The following PPARG variants were observed in gnomAD, a reference collection of about 807,000 sequenced individuals.
PPARG encodes peroxisome proliferator activated receptor gamma, also known as peroxisome proliferator-activated receptor gamma.
A neutral mutation model predicts 39.2 loss-of-function variants in PPARG; 17 were observed. The ratio of observed to expected loss-of-function variants is 0.43; its 90% CI spans 0.30 to 0.65. The LOEUF (loss-of-function observed/expected upper bound fraction) is 0.65. PPARG is among the 30% of genes least tolerant of loss of function. The pLI, the probability that PPARG is intolerant of heterozygous loss-of-function variation, is 0.13. For synonymous variants in PPARG, 223 were observed against 215.7 expected (o/e 1.03, Z -0.30); for missense variants, 406 against 585.9 (o/e 0.69, Z 3.17).
Position 12,428,403 on chromosome 3 carries a change from A to T in PPARG, c.1181-5495A>T, listed in dbSNP as rs1430322423. ...GGAGTCTGAGTCACACACACTTCCC[A>T]AAAGGGCCTTCTAAGCAGCCTACCC... On this transcript the variant is annotated intron_variant, in intron 7 of 7. Coordinates refer to ENST00000651735, the MANE Select transcript of PPARG (RefSeq NM_138711.6). Among the ~76,000 whole-genome samples, 2 of 152,228 alleles carry T rather than the reference A, an allele frequency of 1.3e-5. 1 individual carries two copies. Among genetic ancestry groups the T allele is most frequent in the Admixed American group, 1.3e-4 (2 of 15,286 alleles).
chr3:12,302,235 AAAAAC>A (rs1317940889), intron 1 of PPARG, among the ~76,000 whole-genome samples: 1 of 152,208 alleles, frequency 6.6e-6, no homozygotes, highest in Non-Finnish European at 1.5e-5. Context: ...GAAAAATACT[AAAAAC>A]AATACAGAAG....
At chr3:12,369,629 C>T (rs375095524) in intron 2 of PPARG, among the ~76,000 whole-genome samples, 9 of 152,150 alleles carry the variant, frequency 5.9e-5, no homozygotes, top group African/African-American at 1.9e-4. Flanking sequence ...ACTTCTCCCT[C>T]CCCTCCATCT....
At chr3:12,296,809 G>A (rs1035306424) in intron 1 of PPARG, among the ~76,000 whole-genome samples, 16 of 152,112 alleles carry the variant, frequency 1.1e-4, no homozygotes, top group African/African-American at 2.9e-4. Flanking sequence ...GAAGATGATC[G>A]GCCCTAGAGG....
intron 2 of PPARG, among the ~76,000 whole-genome samples, chr3:12,316,216 C>A (rs921743081): frequency 6.6e-6 from 1 of 152,056 alleles, no homozygotes; most frequent in African/African-American, 2.4e-5. Flanking sequence ...TGAAAATGAG[C>A]GGTCTAAATT....
At chr3:12,296,254 C>CAAAAA (rs545210244) in intron 1 of PPARG, among the ~76,000 whole-genome samples, 4,755 of 48,524 alleles carry the variant, frequency 0.098, 395 homozygotes, top group Non-Finnish European at 0.14. Flanking sequence ...CACTTTGTCT[C>CAAAAA]AAAAAAAAAA....
chr3:12,300,813 AG>A (rs2046906952), intron 1 of PPARG, among the ~76,000 whole-genome samples: 1 of 152,184 alleles, frequency 6.6e-6, no homozygotes, highest in Non-Finnish European at 1.5e-5. Flanking sequence ...CTAGAGGGTA[AG>A]AATGTGTATA....
intron 5 of PPARG, among the ~76,000 whole-genome samples, chr3:12,401,798 A>G (rs2050484508): frequency 6.6e-6 from 1 of 152,204 alleles, no homozygotes. Context: ...AGTTAAATGG[A>G]ACCTAATTTG....
chr3:12,371,628 G>T (rs2049217764), intron 2 of PPARG, among the ~76,000 whole-genome samples: 1 of 152,132 alleles, frequency 6.6e-6, no homozygotes, highest in Non-Finnish European at 1.5e-5. Context: ...ATCTGGATCT[G>T]TGAAAAGTGG....
At chr3:12,431,322 C>T (rs562501726) in intron 7 of PPARG, among the ~76,000 whole-genome samples, 29 of 152,234 alleles carry the variant, frequency 1.9e-4, no homozygotes, top group African/African-American at 6.5e-4. Context: ...TAGAAAAGAA[C>T]TATGAGAGTA....
At chr3:12,356,836 G>A (rs2048680926) in intron 2 of PPARG, among the ~76,000 whole-genome samples, 1 of 152,022 alleles carries the variant, frequency 6.6e-6, no homozygotes, top group Non-Finnish European at 1.5e-5. Flanking sequence ...GAGTAAGGCC[G>A]ACCCACCCTT....
At chr3:12,313,589 G>A (rs1335203157) in intron 2 of PPARG, among the ~76,000 whole-genome samples, 1 of 152,102 alleles carries the variant, frequency 6.6e-6, no homozygotes, top group Non-Finnish European at 1.5e-5. Context: ...AAACATTTTG[G>A]ATAAGAGATA....
chr3:12,310,824 ACC>A (rs2047219648), intron 1 of PPARG, among the ~76,000 whole-genome samples: 1 of 131,176 alleles, frequency 7.6e-6, no homozygotes, highest in African/African-American at 2.9e-5. Flanking sequence ...AAAAAAAAAA[ACC>A]CAAGTGGTAA....
chr3:12,310,827 CA>C (rs2047220120), intron 1 of PPARG, among the ~76,000 whole-genome samples: 1 of 126,738 alleles, frequency 7.9e-6, no homozygotes, highest in Non-Finnish European at 1.6e-5. Context: ...AAAAAAAACC[CA>C]AGTGGTAATC....
intron 2 of PPARG, among the ~76,000 whole-genome samples, chr3:12,319,674 CTT>C (rs879608353): frequency 7.0e-5 from 10 of 143,122 alleles, no homozygotes; most frequent in South Asian, 2.2e-4. Context: ...TCAATTTTTA[CTT>C]TTTTTTTTTT....
intron 1 of PPARG, chr3:12,305,936 A>G (rs1249856965): frequency 6.6e-6 from 1 of 152,264 alleles, no homozygotes; most frequent in East Asian, 1.9e-4. Context: ...CTCAAGCACC[A>G]AATAAGTCAT....
intron 2 of PPARG, among the ~76,000 whole-genome samples, chr3:12,332,613 T>A (rs1194073043): frequency 2.0e-5 from 3 of 152,178 alleles, no homozygotes; most frequent in African/African-American, 7.2e-5. Flanking sequence ...TATCAGTACA[T>A]TCCTCAGCAT....
At chr3:12,318,128 C>T (rs764459196) in intron 2 of PPARG, among the ~76,000 whole-genome samples, 39 of 152,092 alleles carry the variant, frequency 2.6e-4, no homozygotes, top group Non-Finnish European at 5.0e-4. Flanking sequence ...CACACACCAC[C>T]GCACCTGGCT....
At chr3:12,359,385 T>C (rs571644808) in intron 2 of PPARG, among the ~76,000 whole-genome samples, 3 of 152,232 alleles carry the variant, frequency 2.0e-5, no homozygotes, top group East Asian at 3.9e-4. Context: ...GTTTATAAAA[T>C]AGATTGTTGA....
At chr3:12,295,882 A>G (rs369512158) in intron 1 of PPARG, among the ~76,000 whole-genome samples, 13 of 152,226 alleles carry the variant, frequency 8.5e-5, no homozygotes, top group African/African-American at 1.9e-4. Context: ...CTAGACACCA[A>G]TTTCTTGAAG....
Sources: allele counts gnomAD v4.1 joint callset (sites outside exome capture counted in the v4.1 genomes callset), GRCh38; gene constraint gnomAD v4.1.1; transcripts MANE v1.5; gene names NCBI Gene and HGNC (gene_info 2026-07-23, HGNC 2026-07-21).